Variants in CELF2 observed in about 807,000 individuals in gnomAD.
The protein encoded by CELF2 is CUG triplet repeat RNA-binding protein 2.
A neutral mutation model predicts 62.6 loss-of-function variants in CELF2; 8 were observed. The ratio of observed to expected loss-of-function variants is 0.13; its 90% CI spans 0.07 to 0.23. The LOEUF (loss-of-function observed/expected upper bound fraction) is 0.23, where lower values mean the gene tolerates loss of function less well. CELF2 is among the 10% of genes least tolerant of loss of function. CELF2 has a pLI of 1.00. For missense variants in CELF2, 333 were observed against 671.0 expected (o/e 0.50, Z 5.56); for synonymous variants, 258 against 250.0 (o/e 1.03, Z -0.30).
intron 1 of CELF2, among the ~76,000 whole-genome samples, chr10:11,031,713 G>A (rs987346426): frequency 3.3e-5 from 5 of 152,134 alleles, no homozygotes; most frequent in Non-Finnish European, 5.9e-5. Context: ...ACTGAAAATT[G>A]CAGGCTTTGT....
Position 11,157,406 on chromosome 10 carries a change from A to G in CELF2, c.75-8080A>G, listed in dbSNP as rs1208726703. Among the ~76,000 whole-genome samples, 1 of 123,680 alleles carries G rather than the reference A, an allele frequency of 8.1e-6. No homozygotes were observed. The highest frequency in any genetic ancestry group is 1.6e-5 in the Non-Finnish European group (1 of 60,860). The allele number at this position is 123,680 out of a possible 152,430, so 81.1% of individuals were successfully genotyped here. A position where few individuals can be genotyped will look rare whatever the true frequency, so the allele number is the denominator to read the frequency against. ...CCGCCCTCCCCCCACACACACACAC[A>G]CAAAAATTTCACTTAAACATTGCTC... On this transcript the variant is annotated intron_variant, in intron 1 of 12. Coordinates refer to ENST00000633077, the MANE Select transcript of CELF2 (RefSeq NM_001326342.2). This position sits in a 1 kb window ranked among gnomAD's most constrained non-coding sequence, Gnocchi z 4.9.
chr10:10,820,338 G>C (rs989965466), intron 1 of CELF2, among the ~76,000 whole-genome samples: 1 of 152,176 alleles, frequency 6.6e-6, no homozygotes, highest in Non-Finnish European at 1.5e-5. Context: ...GTCCTGCACA[G>C]AATTCATTGC....
At chr10:10,648,725 T>TC in the CELF2 span, among the ~76,000 whole-genome samples, 1 of 152,224 alleles carries the variant, frequency 6.6e-6, no homozygotes, top group Non-Finnish European at 1.5e-5. Flanking sequence ...TTGGTAATTT[T>TC]GTTTCTTAAT....
chr10:10,521,372 A>T, the CELF2 span, among the ~76,000 whole-genome samples: 14 of 152,156 alleles, frequency 9.2e-5, no homozygotes, highest in Non-Finnish European at 1.8e-4. Context: ...AATGCCTGGG[A>T]AGCTATTGAG....
chr10:11,275,295 T>G (rs1048732675), intron 8 of CELF2, among the ~76,000 whole-genome samples, 175 bp downstream of exon 8: 3 of 152,220 alleles, frequency 2.0e-5, no homozygotes, highest in South Asian at 2.1e-4. Flanking sequence ...TCTCTGTTAT[T>G]TCTTAGGTTA....
chr10:10,827,685 C>T (rs941893060), intron 1 of CELF2, among the ~76,000 whole-genome samples: 1 of 152,132 alleles, frequency 6.6e-6, no homozygotes, highest in East Asian at 1.9e-4. Context: ...TTACTCCTTA[C>T]AACACTTCTT....
intron 1 of CELF2, among the ~76,000 whole-genome samples, chr10:11,077,532 C>T (rs972506009): frequency 1.3e-5 from 2 of 152,134 alleles, no homozygotes; most frequent in African/African-American, 2.4e-5. Flanking sequence ...AAATACTGAG[C>T]CTTGAATGTG....
intron 2 of CELF2, among the ~76,000 whole-genome samples, chr10:10,932,928 A>C (rs2066235231): frequency 6.6e-6 from 1 of 152,174 alleles, no homozygotes; most frequent in African/African-American, 2.4e-5. Context: ...AGAATAATGA[A>C]ATATGAATTA....
chr10:11,142,445 G>A (rs2132291908), intron 1 of CELF2, among the ~76,000 whole-genome samples: 1 of 152,260 alleles, frequency 6.6e-6, no homozygotes, highest in African/African-American at 2.4e-5. Flanking sequence ...AGCACTTTGG[G>A]AGGCCGAGGC....
chr10:11,174,725 AC>A (rs1023634863), intron 2 of CELF2, among the ~76,000 whole-genome samples: 1 of 152,230 alleles, frequency 6.6e-6, no homozygotes, highest in African/African-American at 2.4e-5. Context: ...GTGGGTCAAA[AC>A]CTGTCTCTTT....
At chr10:11,068,573 T>G (rs889201114) in intron 1 of CELF2, among the ~76,000 whole-genome samples, 3 of 152,134 alleles carry the variant, frequency 2.0e-5, no homozygotes, top group African/African-American at 4.8e-5. Flanking sequence ...TTCTGTTTTT[T>G]TTTTTGAGAC....
intron 1 of CELF2, among the ~76,000 whole-genome samples, chr10:11,076,902 A>G (rs375488167): frequency 6.0e-4 from 91 of 152,324 alleles, no homozygotes; most frequent in African/African-American, 2.2e-3. Flanking sequence ...TTGGTTATTG[A>G]TAACATGTAG....
At chr10:10,527,897 G>A in the CELF2 span, among the ~76,000 whole-genome samples, 2 of 152,188 alleles carry the variant, frequency 1.3e-5, no homozygotes, top group Non-Finnish European at 2.9e-5. Context: ...TCATCTCAGG[G>A]AAACTAGCAG....
rs569498436 is a variant in CELF2 at position 11,321,712 on chromosome 10, A to T, written c.1294+326A>T. ...CCCTCTCTCTCAAACAAAAGCAAAAACCTATTTATTTCAGTCTTTCTCACT... is the reference window on the plus strand; with the variant it reads ...CCCTCTCTCTCAAACAAAAGCAAAATCCTATTTATTTCAGTCTTTCTCACT... On this transcript the variant is annotated intron_variant, in intron 11 of 12. Coordinates refer to ENST00000633077, the MANE Select transcript of CELF2 (RefSeq NM_001326342.2). This position sits in a 1 kb window ranked among gnomAD's most constrained non-coding sequence, Gnocchi z 6.2. Among the ~76,000 whole-genome samples, 1 of 151,796 alleles carries T rather than the reference A, an allele frequency of 6.6e-6. No individual in the cohort carries two copies. Among genetic ancestry groups the T allele is most frequent in the African/African-American group, 2.4e-5 (1 of 41,286 alleles).
At chr10:10,560,245 A>G in the CELF2 span, among the ~76,000 whole-genome samples, 1 of 152,176 alleles carries the variant, frequency 6.6e-6, no homozygotes, top group East Asian at 1.9e-4. Context: ...TTCTTTCCCA[A>G]AAGGAAATAC....
chr10:10,813,543 G>A (rs2056143921), intron 1 of CELF2, among the ~76,000 whole-genome samples: 1 of 152,184 alleles, frequency 6.6e-6, no homozygotes, highest in Non-Finnish European at 1.5e-5. Flanking sequence ...ATGTAATGCC[G>A]GCTCTGAGAC....
intron 3 of CELF2, among the ~76,000 whole-genome samples, chr10:11,222,027 G>T (rs2065017127): frequency 6.6e-6 from 1 of 152,224 alleles, no homozygotes; most frequent in Non-Finnish European, 1.5e-5. Context: ...GAGTGAATGG[G>T]CCCCTTCCTG....
intron 1 of CELF2, among the ~76,000 whole-genome samples, chr10:10,812,802 G>T (rs1590684453): frequency 6.6e-6 from 1 of 152,236 alleles, no homozygotes; most frequent in South Asian, 2.1e-4. Context: ...CCATTAATAG[G>T]GTGTCAATGT....
rs78888238 is a variant in CELF2 at position 11,084,705 on chromosome 10, A to C, written c.74+66542A>C. On this transcript the variant is annotated intron_variant, in intron 1 of 12. Coordinates refer to ENST00000633077, the MANE Select transcript of CELF2 (RefSeq NM_001326342.2). ...AATTTACTATTGATATAGAATTCTA[A>C]GATTTTACCTGATAATTAGTAAAAG... 2.4e-3 allele frequency among the ~76,000 whole-genome samples: 359 copies of C among 152,326 alleles called. 13 individuals are homozygous for C. In the East Asian group the frequency reaches 0.06, roughly 26 times the overall value.
Sources: allele counts gnomAD v4.1 joint callset (sites outside exome capture counted in the v4.1 genomes callset), GRCh38; gene constraint gnomAD v4.1.1; non-coding constraint Gnocchi (gnomAD v3.1); transcripts MANE v1.5; gene names NCBI Gene and HGNC (gene_info 2026-07-23, HGNC 2026-07-21).